The following GRXCR1 variants were observed in gnomAD, a reference collection of about 807,000 sequenced individuals.
The protein encoded by GRXCR1 is glutaredoxin and cysteine rich domain containing 1, also known as glutaredoxin domain-containing cysteine-rich protein 1.
A neutral mutation model predicts 27.3 loss-of-function variants in GRXCR1; 27 were observed. The observed-to-expected ratio is 0.99, with a 90% CI of 0.73 to 1.37. The LOEUF is 1.37. GRXCR1 is among the 40% of genes most tolerant of loss of function. The pLI is 0.00. For missense variants in GRXCR1, 379 were observed against 354.4 expected (o/e 1.07, Z -0.56); for synonymous variants, 122 against 131.1 (o/e 0.93, Z 0.47).
At chr4:42,980,742 C>T (rs1748641876) in intron 2 of GRXCR1, among the ~76,000 whole-genome samples, 1 of 152,008 alleles carries the variant, frequency 6.6e-6, no homozygotes, top group Admixed American at 6.6e-5. Flanking sequence ...GTGAAGTCTC[C>T]TACTATTATT....
At chr4:42,949,841 T>C (rs1196447366) in intron 1 of GRXCR1, among the ~76,000 whole-genome samples, 1 of 152,152 alleles carries the variant, frequency 6.6e-6, no homozygotes, top group Non-Finnish European at 1.5e-5. Flanking sequence ...GTGTCCAATT[T>C]TCTCAAATTC....
At chr4:42,956,282 A>T (rs1748001977) in intron 1 of GRXCR1, among the ~76,000 whole-genome samples, 1 of 152,044 alleles carries the variant, frequency 6.6e-6, no homozygotes. Flanking sequence ...CAGACCCCAA[A>T]GGCTTCTCAG....
chr4:42,905,799 C>T (rs1430758298), intron 1 of GRXCR1, among the ~76,000 whole-genome samples: 4 of 152,156 alleles, frequency 2.6e-5, no homozygotes, highest in Non-Finnish European at 5.9e-5. Flanking sequence ...TTCATGTGAT[C>T]GTTCCTTGTC....
At chr4:42,967,204 T>C (rs868254764) in intron 2 of GRXCR1, among the ~76,000 whole-genome samples, 1 of 152,130 alleles carries the variant, frequency 6.6e-6, no homozygotes, top group South Asian at 2.1e-4. Flanking sequence ...AGTCTTTATA[T>C]TGAGTTCATT....
intron 1 of GRXCR1, among the ~76,000 whole-genome samples, chr4:42,943,917 C>T (rs1747682170): frequency 6.6e-6 from 1 of 151,916 alleles, no homozygotes; most frequent in Non-Finnish European, 1.5e-5. Context: ...AGCACCTCTT[C>T]CCTCCAGAAA....
In GRXCR1 at chr4:43,024,473, T is replaced by C. The variant is rs540408426; in HGVS notation, c.693+4054T>C. Among the ~76,000 whole-genome samples the C allele has an allele frequency of 4.7e-5, 7 of 150,290 alleles. No individual in the cohort carries two copies. The South Asian group carries it at 1.5e-3, about 32-fold the overall frequency. On this transcript the variant is annotated intron_variant, in intron 3 of 3. Coordinates refer to ENST00000399770, the MANE Select transcript of GRXCR1 (RefSeq NM_001080476.3). ...TGAGGCTACAGCCATAGAAACCACC[T>C]ATAGATTCACCTGGGGAATCAGGCC...
chr4:42,989,518 T>A (rs1711894690), intron 2 of GRXCR1, among the ~76,000 whole-genome samples: 1 of 152,218 alleles, frequency 6.6e-6, no homozygotes, highest in Non-Finnish European at 1.5e-5. Context: ...CAATGCAAAA[T>A]CTTCCATATA....
intron 2 of GRXCR1, among the ~76,000 whole-genome samples, chr4:43,003,860 C>G (rs1456494598): frequency 6.6e-6 from 1 of 152,088 alleles, no homozygotes; most frequent in Non-Finnish European, 1.5e-5. Flanking sequence ...TGCAGCCTGA[C>G]CATGTGGTAG....
In GRXCR1 at chr4:42,963,022, A is replaced by G. The variant is rs1316254302; in HGVS notation, c.515A>G (p.Glu172Gly). 6.2e-7 allele frequency: 1 copy of G among 1,612,918 alleles called. No individual in the cohort carries two copies. Among genetic ancestry groups the G allele is most frequent in the Non-Finnish European group, 8.5e-7 (1 of 1,179,148 alleles). ...IFQNHRVKFE[E>G]KNIALNGEYG... is the part of the protein sequence containing the mutation. The stretch of plus-strand genomic sequence containing the variant: ...CAAAACCATCGCGTAAAATTTGAAG[A>G]GAAAAACATAGCCCTGAATGGTGAA... The change falls in exon 2 of 4, where the codon GAG (glutamate) becomes GGG (glycine). Residue 172 changes from glutamate to glycine, a missense_variant. Transcript: ENST00000399770.
chr4:42,916,933 G>A (rs1746898719), intron 1 of GRXCR1, among the ~76,000 whole-genome samples: 1 of 152,006 alleles, frequency 6.6e-6, no homozygotes, highest in African/African-American at 2.4e-5. Context: ...CCTTATGTAA[G>A]GTTCTCCAAT....
At chr4:42,954,161 G>A (rs898054378) in intron 1 of GRXCR1, among the ~76,000 whole-genome samples, 1 of 152,130 alleles carries the variant, frequency 6.6e-6, no homozygotes, top group Non-Finnish European at 1.5e-5. Flanking sequence ...GATAGATAGT[G>A]AACCAGTTAG....
In GRXCR1 at chr4:42,895,878, C is replaced by A. The variant is rs551032184; in HGVS notation, c.384+2228C>A. Among the ~76,000 whole-genome samples the A allele has an allele frequency of 1.4e-4, 22 of 152,008 alleles. No individual in the cohort carries two copies. The East Asian group carries it at 4.1e-3, about 28-fold the overall frequency. ...ACCCTTTACCAGATATGACTTTTCCCCCTATATATTTTCCATATCCCTTGC... is the reference window on the plus strand; with the variant it reads ...ACCCTTTACCAGATATGACTTTTCCACCTATATATTTTCCATATCCCTTGC... On this transcript the variant is annotated intron_variant, in intron 1 of 3. Coordinates refer to ENST00000399770, the MANE Select transcript of GRXCR1 (RefSeq NM_001080476.3).
At position 42,963,013 on chromosome 4, in the gene GRXCR1, A is replaced by T. The variant is rs777526000; in HGVS notation, c.506A>T (p.Lys169Ile). ...VRKIFQNHRV[K>I]FEEKNIALNG... ...AAGATTTTCCAAAACCATCGCGTAA[A>T]ATTTGAAGAGAAAAACATAGCCCTG... is the stretch of plus-strand genomic sequence containing the variant. Residue 169 changes from lysine to isoleucine, a missense_variant, in exon 2 of 4, where the codon AAA (lysine) becomes ATA (isoleucine). Lys to Ile is a moderately radical substitution (Grantham distance 102). Coordinates refer to ENST00000399770, the MANE Select transcript of GRXCR1 (RefSeq NM_001080476.3). The T allele has an allele frequency of 6.2e-7, 1 of 1,612,934 alleles. No individual in the cohort carries two copies.
At chr4:42,950,033 T>C (rs1385630675) in intron 1 of GRXCR1, among the ~76,000 whole-genome samples, 5 of 152,218 alleles carry the variant, frequency 3.3e-5, no homozygotes, top group African/African-American at 9.6e-5. Flanking sequence ...AGGGATTGGC[T>C]GCATTTAGGT....
chr4:43,023,749 C>A (rs969764094), intron 3 of GRXCR1, among the ~76,000 whole-genome samples: 3 of 152,074 alleles, frequency 2.0e-5, no homozygotes, highest in Non-Finnish European at 2.9e-5. Context: ...TAAATATTTT[C>A]TGAGGGAATA....
chr4:42,927,042 G>C (rs891888136), intron 1 of GRXCR1, among the ~76,000 whole-genome samples: 1 of 151,948 alleles, frequency 6.6e-6, no homozygotes, highest in Non-Finnish European at 1.5e-5. Flanking sequence ...TTATTATTCT[G>C]AGACCTTTTA....
At chr4:42,907,676 A>C (rs1746627400) in intron 1 of GRXCR1, among the ~76,000 whole-genome samples, 1 of 152,146 alleles carries the variant, frequency 6.6e-6, no homozygotes, top group Non-Finnish European at 1.5e-5. Context: ...CTACTCCCTC[A>C]TGACAGTCAT....
intron 2 of GRXCR1, among the ~76,000 whole-genome samples, chr4:43,019,248 T>A (rs1282339490): frequency 6.6e-6 from 1 of 152,198 alleles, no homozygotes; most frequent in Non-Finnish European, 1.5e-5. Flanking sequence ...CACTTATTTT[T>A]CATTCTACCC....
intron 1 of GRXCR1, among the ~76,000 whole-genome samples, chr4:42,950,161 G>A (rs1247923355): frequency 6.6e-6 from 1 of 152,128 alleles, no homozygotes; most frequent in Non-Finnish European, 1.5e-5. Context: ...CCCTTTAAGA[G>A]AGAGCACTGG....
Sources: gnomAD v4.1 joint callset for allele counts (sites outside exome capture counted in the v4.1 genomes callset) on GRCh38, gnomAD v4.1.1 for gene constraint, MANE v1.5 for transcripts, NCBI Gene and HGNC (gene_info 2026-07-23, HGNC 2026-07-21) for gene names.